Variants in AXL observed in about 807,000 individuals in gnomAD.
AXL encodes AXL receptor tyrosine kinase.
AXL carries 52 observed loss-of-function variants against 104.5 expected under a neutral mutation model. That is an observed-to-expected ratio of 0.50 (90% CI 0.40 to 0.63). The LOEUF (loss-of-function observed/expected upper bound fraction) is 0.63, where lower values mean the gene tolerates loss of function less well. Among genes scored for constraint, AXL ranks in the 20% least tolerant of loss-of-function variants. AXL has a pLI of 0.00. For missense variants in AXL, 1,024 were observed against 1,188.5 expected, an observed-to-expected ratio of 0.86 and a Z score of 2.04; for synonymous variants, 455 against 473.7, an observed-to-expected ratio of 0.96 and a Z score of 0.51.
Position 41,222,022 on chromosome 19 carries a change from A to C in AXL, c.552A>C (p.Pro184=), listed in dbSNP as rs1260069786. The C allele has an allele frequency of 1.3e-6, 2 of 1,598,624 alleles. No individual in the cohort carries two copies. Among genetic ancestry groups the C allele is most frequent in the Non-Finnish European group, 8.5e-7 (1 of 1,173,818 alleles). The stretch of plus-strand genomic sequence containing the variant: ...ATGCTGTCCCCCTGGCCACGGCTCC[A>C]GGTCACGGCCCCCAGCGCAGCCTGC... The part of the protein sequence containing the change: ...LQDAVPLATA[P]GHGPQRSLHV... Residue 184 remains proline, a synonymous_variant, in exon 4 of 20, where the codon CCA becomes CCC. Transcript: ENST00000301178.
chr19:41,239,432 A>G, intron 9 of AXL, 118 bp downstream of exon 9: 1 of 1,418,136 alleles, frequency 7.1e-7, no homozygotes. Flanking sequence ...CCTGAGCCTT[A>G]CTGAGAGCTG....
At chr19:41,237,899 G>A (rs756985286) in intron 6 of AXL, 45 bp from the exon 7 acceptor site, 33 of 1,567,242 alleles carry the variant, frequency 2.1e-5, no homozygotes, top group Admixed American at 6.7e-5. Flanking sequence ...ACCATCTCGT[G>A]TGATTGCTTG....
rs1162662736 is a variant in AXL at position 41,257,637 on chromosome 19, C to G, written c.2333+8C>G. ...GGACTGTCTGGATGGACTGTGAGGA[C>G]CCTTAGGTCTCCCCCAACCCAGAAT... On this transcript the variant is annotated splice_region_variant and intron_variant, in intron 19 of 19. Coordinates refer to ENST00000301178, the MANE Select transcript of AXL (RefSeq NM_021913.5). 3.1e-6 allele frequency: 5 copies of G among 1,613,932 alleles called. No homozygotes were observed. The highest frequency in any genetic ancestry group is 4.2e-6 in the Non-Finnish European group (5 of 1,179,964).
chr19:41,245,986 C>T (rs1042872544), intron 12 of AXL, among the ~76,000 whole-genome samples: 1 of 152,116 alleles, frequency 6.6e-6, no homozygotes, highest in Non-Finnish European at 1.5e-5. Context: ...GCAGGGGGCC[C>T]ATAAGGTCAA....
rs932262502 is a variant in AXL, at chr19:41,261,750, A to G, written c.*1846A>G. 4 of 152,272 alleles carry G rather than the reference A, an allele frequency of 2.6e-5. No individual in the cohort carries two copies. Among genetic ancestry groups the G allele is most frequent in the African/African-American group, 9.7e-5 (4 of 41,360 alleles). The allele number at this position is 152,272 out of a possible 1,614,324, so 9.4% of individuals were successfully genotyped here. A position where few individuals can be genotyped will look rare whatever the true frequency, so the allele number is the denominator to read the frequency against. On this transcript the variant is annotated 3_prime_UTR_variant, in exon 20 of 20. Transcript: ENST00000301178. ...TCCAGAGGGGCTCAGGTCACATAAAACTTTGTATATCAACGAGCTTCTGTC... is the reference window on the plus strand; with the variant it reads ...TCCAGAGGGGCTCAGGTCACATAAAGCTTTGTATATCAACGAGCTTCTGTC...
intron 12 of AXL, among the ~76,000 whole-genome samples, chr19:41,245,646 G>A (rs1458322162): frequency 2.6e-5 from 4 of 151,544 alleles, no homozygotes; most frequent in Admixed American, 6.6e-5. Flanking sequence ...CCTGGGAGGC[G>A]GAGGTTGCAG....
chr19:41,220,278 C>T (rs970327694), intron 1 of AXL: 6 of 238,338 alleles, frequency 2.5e-5, no homozygotes, highest in Non-Finnish European at 5.0e-5. Context: ...CTCCCCCAAC[C>T]CCTGATTCTT....
rs746092416 is a variant in AXL, at chr19:41,242,866, C to A, written c.1313-17C>A. 1 of 1,613,936 alleles carries A rather than the reference C, an allele frequency of 6.2e-7. No individual in the cohort carries two copies. Among genetic ancestry groups the A allele is most frequent in the Non-Finnish European group, 8.5e-7 (1 of 1,179,978 alleles). On this transcript the variant is annotated splice_polypyrimidine_tract_variant and intron_variant, in intron 10 of 19. Coordinates refer to ENST00000301178, the MANE Select transcript of AXL (RefSeq NM_021913.5). ...CCAAGGCTTCATCCATGACCTGTTC[C>A]TCATACCCCCTGATAGTGAAGGAAC...
rs771011632 is a variant in AXL at position 41,239,132 on chromosome 19, T to C, written c.1135-32T>C. On this transcript the variant is annotated intron_variant, in intron 8 of 19. Coordinates refer to ENST00000301178, the MANE Select transcript of AXL (RefSeq NM_021913.5). The stretch of plus-strand genomic sequence containing the variant: ...AAGGCTTAACAGCTGGGGGGTAAGG[T>C]TCTACCCTGATGCCACTTCTGGACC... 3.4e-5 allele frequency: 55 copies of C among 1,611,678 alleles called. No individual in the cohort carries two copies. The Admixed American group carries it at 8.7e-4, about 26-fold the overall frequency.
At chr19:41,242,804 C>T in intron 10 of AXL, 79 bp from the exon 11 acceptor site, 1 of 1,580,436 alleles carries the variant, frequency 6.3e-7, no homozygotes, top group East Asian at 2.2e-5. Context: ...TTCTGCCTCC[C>T]TCCCACATCA....
intron 4 of AXL, among the ~76,000 whole-genome samples, chr19:41,222,266 G>A (rs1004013777): frequency 9.2e-5 from 14 of 151,778 alleles, no homozygotes; most frequent in African/African-American, 3.1e-4. Context: ...GTCTCTTTCT[G>A]TCTCTTGGTG....
At position 41,253,015 on chromosome 19, in the gene AXL, A is replaced by G. The variant is rs756643323; in HGVS notation, c.1926+48A>G. 52 of 1,601,024 alleles carry G rather than the reference A, an allele frequency of 3.2e-5. 1 individual carries two copies. The Admixed American group carries it at 6.5e-4, about 20-fold the overall frequency. On this transcript the variant is annotated intron_variant, in intron 16 of 19. Coordinates refer to ENST00000301178, the MANE Select transcript of AXL (RefSeq NM_021913.5). The stretch of plus-strand genomic sequence containing the variant: ...GTCTACAAATATTAACTGAGCATCT[A>G]TCAGGTACCCAGTGCTGCTCAGACC...
In AXL at chr19:41,239,199, C is replaced by A. The variant is rs2122237530; in HGVS notation, c.1170C>A (p.Thr390=). ...LMDIGLRQEV[T]LELQGDGSVS... is the part of the protein sequence containing the mutation. ...ACATAGGGCTAAGGCAAGAGGTGAC[C>A]CTGGAGCTGCAGGGGGACGGGTCTG... The change falls in exon 9 of 20, where the codon ACC becomes ACA. Residue 390 remains threonine, a synonymous_variant. Coordinates refer to ENST00000301178, the MANE Select transcript of AXL (RefSeq NM_021913.5). 6.2e-7 allele frequency: 1 copy of A among 1,613,234 alleles called. No individual in the cohort carries two copies. The highest frequency in any genetic ancestry group is 1.1e-5 in the South Asian group (1 of 91,064).
At chr19:41,222,763 G>A (rs867834997) in intron 4 of AXL, among the ~76,000 whole-genome samples, 5 of 151,900 alleles carry the variant, frequency 3.3e-5, no homozygotes, top group Non-Finnish European at 5.9e-5. Flanking sequence ...AAAATTAGCC[G>A]GGCGTGGTGG....
chr19:41,259,900 C>G lies in AXL; in HGVS notation c.2681C>G (p.Ala894Gly), dbSNP rs1414277449. The G allele has an allele frequency of 6.4e-7, 1 of 1,563,882 alleles. No individual in the cohort carries two copies. Among genetic ancestry groups the G allele is most frequent in the South Asian group, 1.2e-5 (1 of 83,586 alleles). The change falls in exon 20 of 20, where the codon GCC (alanine) becomes GGC (glycine). Residue 894 changes from alanine to glycine, a missense_variant. Ala to Gly is a moderately conservative substitution (Grantham distance 60). Coordinates refer to ENST00000301178, the MANE Select transcript of AXL (RefSeq NM_021913.5). ...GCAGCCCCAGGGCAGGAGGATGGTG[C>G]CTGAGACAACCCTCCACCTGGTACT... ...SPAAPGQEDGA is the reference protein window; with the variant it reads ...SPAAPGQEDGG
At chr19:41,249,819 T>A (rs1209803766) in intron 14 of AXL, among the ~76,000 whole-genome samples, 1 of 151,434 alleles carries the variant, frequency 6.6e-6, no homozygotes, top group Non-Finnish European at 1.5e-5. Context: ...ACCAAGGGAA[T>A]ACCAGAAGCA....
chr19:41,256,346 C>A, intron 17 of AXL, 106 bp from the exon 18 acceptor site: 1 of 1,362,508 alleles, frequency 7.3e-7, no homozygotes, highest in Non-Finnish European at 1.0e-6. Context: ...CCACCCGCAG[C>A]CAGGACAGTG....
intron 4 of AXL, among the ~76,000 whole-genome samples, chr19:41,226,577 CTT>C: frequency 6.6e-6 from 1 of 152,234 alleles, no homozygotes; most frequent in Non-Finnish European, 1.5e-5. Flanking sequence ...GAAAAGGAAA[CTT>C]TGTGTCTGCG....
intron 6 of AXL, among the ~76,000 whole-genome samples, chr19:41,236,252 G>A (rs1386705315): frequency 6.6e-6 from 1 of 151,144 alleles, no homozygotes; most frequent in East Asian, 1.9e-4. Flanking sequence ...AGAATTACTT[G>A]AGCCCAGGAG....
Sources: gnomAD v4.1 joint callset for allele counts (sites outside exome capture counted in the v4.1 genomes callset) on GRCh38, gnomAD v4.1.1 for gene constraint, MANE v1.5 for transcripts, NCBI Gene and HGNC (gene_info 2026-07-23, HGNC 2026-07-21) for gene names.